Variants in SLCO3A1 observed in about 807,000 individuals in gnomAD.
The protein encoded by SLCO3A1 is PGE1 transporter.
A neutral mutation model predicts 63.1 loss-of-function variants in SLCO3A1; 27 were observed. The ratio of observed to expected loss-of-function variants is 0.43; its 90% CI spans 0.32 to 0.59. The LOEUF (loss-of-function observed/expected upper bound fraction) is 0.59. Among genes scored for constraint, SLCO3A1 ranks in the 20% least tolerant of loss-of-function variants. The pLI, the probability that SLCO3A1 is intolerant of heterozygous loss-of-function variation, is 0.09. For synonymous variants in SLCO3A1, 473 were observed against 409.9 expected (o/e 1.15, Z -1.86); for missense variants, 773 against 945.8 (o/e 0.82, Z 2.40).
chr15:91,862,198 G>T lies in SLCO3A1; in HGVS notation c.180+8110G>T, dbSNP rs903900180. Among the ~76,000 whole-genome samples, 1 of 151,554 alleles carries T rather than the reference G, an allele frequency of 6.6e-6. No homozygotes were observed. Among genetic ancestry groups the T allele is most frequent in the Non-Finnish European group, 1.5e-5 (1 of 67,924 alleles). ...TGAGACAGTCTCACACTGTTGCCCAGCCTGGAGTGCAGTGGCATGACCTCA... is the reference window on the plus strand; with the variant it reads ...TGAGACAGTCTCACACTGTTGCCCATCCTGGAGTGCAGTGGCATGACCTCA... On this transcript the variant is annotated intron_variant, in intron 1 of 9. Transcript: ENST00000318445. This position sits in a 1 kb window ranked among gnomAD's most constrained non-coding sequence, Gnocchi z 4.0.
At chr15:92,007,523 GAGGCTTGCCTCATGGTGAGTGGCAGA>G (rs945420954) in intron 2 of SLCO3A1, among the ~76,000 whole-genome samples, 4 of 152,210 alleles carry the variant, frequency 2.6e-5, no homozygotes, top group African/African-American at 4.8e-5. Flanking sequence ...AGTGTGGAAG[GAGGCTTGCCTCATGGTGAGTGGCAGA>G]AGGGCTTGGG....
chr15:91,924,172 T>G (rs1054382347), intron 2 of SLCO3A1, among the ~76,000 whole-genome samples: 5 of 152,210 alleles, frequency 3.3e-5, no homozygotes, highest in African/African-American at 1.2e-4. Flanking sequence ...CAATCTTAAG[T>G]GCTGAAGGGG....
chr15:91,889,026 G>T (rs1312392789), intron 1 of SLCO3A1: 14 of 524,962 alleles, frequency 2.7e-5, no homozygotes, highest in Non-Finnish European at 3.7e-5. Flanking sequence ...AAAAAGAAAA[G>T]AAAAACCAAA....
At chr15:92,048,291 C>G (rs891397699) in intron 2 of SLCO3A1, among the ~76,000 whole-genome samples, 1 of 152,100 alleles carries the variant, frequency 6.6e-6, no homozygotes, top group Admixed American at 6.6e-5. Context: ...TGCTGTACCC[C>G]CATCGGACTC....
At chr15:92,032,712 G>T (rs12899498) in intron 2 of SLCO3A1, among the ~76,000 whole-genome samples, 21,252 of 152,112 alleles carry the variant, frequency 0.14, 1,877 homozygotes, top group Admixed American at 0.28. Context: ...ATCGAAGGCG[G>T]TTGCGATGCT....
intron 4 of SLCO3A1, among the ~76,000 whole-genome samples, chr15:92,119,798 G>T (rs2047840470): frequency 6.6e-6 from 1 of 152,290 alleles, no homozygotes; most frequent in African/African-American, 2.4e-5. Flanking sequence ...GCTACTCAGG[G>T]AATTATTATA....
At chr15:91,982,648 A>G (rs557915842) in intron 2 of SLCO3A1, among the ~76,000 whole-genome samples, 93 of 152,326 alleles carry the variant, frequency 6.1e-4, no homozygotes, top group African/African-American at 2.2e-3. Context: ...CACCTTGAAA[A>G]TCACTGCTCT....
rs1229220485 is a variant in SLCO3A1, at chr15:91,883,186, C to G, written c.180+29098C>G. Among the ~76,000 whole-genome samples the G allele has an allele frequency of 6.6e-6, 1 of 152,214 alleles. No homozygotes were observed. Among genetic ancestry groups the G allele is most frequent in the Admixed American group, 6.5e-5 (1 of 15,284 alleles). ...TGGATAACAAAGTATCCCTCCTTCCCCTTTTTTAACAGCGGGCAGTAAGTG... is the reference window on the plus strand; with the variant it reads ...TGGATAACAAAGTATCCCTCCTTCCGCTTTTTTAACAGCGGGCAGTAAGTG... On this transcript the variant is annotated intron_variant, in intron 1 of 9. Coordinates refer to ENST00000318445, the MANE Select transcript of SLCO3A1 (RefSeq NM_013272.4). This position sits in a 1 kb window ranked among gnomAD's most constrained non-coding sequence, Gnocchi z 4.8.
chr15:91,965,968 G>A (rs1382592469), intron 2 of SLCO3A1, among the ~76,000 whole-genome samples: 1 of 152,122 alleles, frequency 6.6e-6, no homozygotes, highest in Non-Finnish European at 1.5e-5. Flanking sequence ...GAAGCTTTCT[G>A]AATTCGGTGT....
At chr15:92,137,696 G>T (rs1359053444) in intron 7 of SLCO3A1, among the ~76,000 whole-genome samples, 1 of 106,910 alleles carries the variant, frequency 9.4e-6, no homozygotes, top group African/African-American at 5.1e-5. Flanking sequence ...TCTCATTGTG[G>T]TTTTGATTTG....
chr15:92,019,038 C>T (rs764994789), intron 2 of SLCO3A1, among the ~76,000 whole-genome samples: 4 of 151,924 alleles, frequency 2.6e-5, no homozygotes, highest in African/African-American at 7.3e-5. Context: ...GGAGTGTGTG[C>T]GTCATTAACG....
intron 2 of SLCO3A1, among the ~76,000 whole-genome samples, chr15:91,994,734 T>G (rs1216083587): frequency 6.6e-6 from 1 of 152,170 alleles, no homozygotes; most frequent in Non-Finnish European, 1.5e-5. Flanking sequence ...TTTTTGAGGA[T>G]TAAATGAGAT....
rs2047921089 is a variant in SLCO3A1, at chr15:92,126,228, G to C, written c.1342G>C (p.Val448Leu). Residue 448 changes from valine to leucine, a missense_variant, in exon 6 of 10, where the codon GTG becomes CTG. Physicochemically the swap from Val to Leu is conservative, Grantham distance 32. Coordinates refer to ENST00000318445, the MANE Select transcript of SLCO3A1 (RefSeq NM_013272.4). ...CTTCCTGGGCTGCGACACTGGCCCT[G>C]TGGCTGGGGTTACTGTTCCCTATGG... ...FLFLGCDTGP[V>L]AGVTVPYGNS... is the part of the protein sequence containing the mutation. 1 of 1,613,942 alleles carries C rather than the reference G, an allele frequency of 6.2e-7. No individual in the cohort carries two copies. Among genetic ancestry groups the C allele is most frequent in the Non-Finnish European group, 8.5e-7 (1 of 1,180,010 alleles).
At chr15:92,090,845 A>G (rs1198366829) in intron 2 of SLCO3A1, among the ~76,000 whole-genome samples, 1 of 152,178 alleles carries the variant, frequency 6.6e-6, no homozygotes, top group Non-Finnish European at 1.5e-5. Context: ...ACACTTTTCT[A>G]AGAGGTTTGC....
At chr15:91,949,895 T>C (rs1270436366) in intron 2 of SLCO3A1, among the ~76,000 whole-genome samples, 1 of 152,082 alleles carries the variant, frequency 6.6e-6, no homozygotes. Flanking sequence ...TGTTTCCAGC[T>C]ACTCGGGAGG....
rs905478407 is a variant in SLCO3A1 at position 91,954,139 on chromosome 15, A to G, written c.646+37681A>G. On this transcript the variant is annotated intron_variant, in intron 2 of 9. Transcript: ENST00000318445. This position sits in a 1 kb window ranked among gnomAD's most constrained non-coding sequence, Gnocchi z 4.7. Reference sequence around the variant, plus strand: ...GGGAAAGATTGAGAAAGGCACATACAGTCTGTGAAGATAGTTTTGACCTCC... The same window carrying G: ...GGGAAAGATTGAGAAAGGCACATACGGTCTGTGAAGATAGTTTTGACCTCC... Among the ~76,000 whole-genome samples, 4 of 152,364 alleles carry G rather than the reference A, an allele frequency of 2.6e-5. No homozygotes were observed. The highest frequency in any genetic ancestry group is 1.9e-4 in the East Asian group (1 of 5,184).
intron 2 of SLCO3A1, among the ~76,000 whole-genome samples, chr15:92,000,170 AT>A (rs1239736262): frequency 1.3e-5 from 2 of 152,198 alleles, no homozygotes; most frequent in African/African-American, 4.8e-5. Flanking sequence ...ATATGATTTT[AT>A]ATATGATTTT....
chr15:92,078,349 C>A (rs2047303603), intron 2 of SLCO3A1, among the ~76,000 whole-genome samples: 1 of 152,236 alleles, frequency 6.6e-6, no homozygotes, highest in Admixed American at 6.5e-5. Flanking sequence ...GGGACCTCCA[C>A]AGCAGCACTC....
chr15:92,107,870 C>A (rs985032792), intron 4 of SLCO3A1, among the ~76,000 whole-genome samples: 3 of 152,218 alleles, frequency 2.0e-5, no homozygotes, highest in African/African-American at 7.2e-5. Flanking sequence ...AATCATGCAG[C>A]CTTGGCCACA....
Sources: gnomAD v4.1 joint callset for allele counts (sites outside exome capture counted in the v4.1 genomes callset) on GRCh38, gnomAD v4.1.1 for gene constraint, Gnocchi (gnomAD v3.1) non-coding constraint, MANE v1.5 for transcripts, NCBI Gene and HGNC (gene_info 2026-07-23, HGNC 2026-07-21) for gene names.